Variants in DPP6 observed in about 807,000 individuals in gnomAD.
DPP6 encodes A-type potassium channel modulatory protein DPP6.
In DPP6, 69 loss-of-function variants were observed where a neutral mutation model predicts 122.6. The ratio of observed to expected loss-of-function variants is 0.56; its 90% CI spans 0.46 to 0.69. The LOEUF is 0.69. Among genes scored for constraint, DPP6 ranks in the 30% least tolerant of loss-of-function variants. The probability of loss-of-function intolerance (pLI) is 0.00; values close to 1 mark genes in which losing one functional copy is unlikely to be tolerated. For missense variants in DPP6, 928 were observed against 1,116.9 expected (o/e 0.83, Z 2.41); for synonymous variants, 418 against 433.1 (o/e 0.97, Z 0.43).
intron 1 of DPP6, among the ~76,000 whole-genome samples, chr7:154,154,276 C>T (rs574605191): frequency 6.6e-6 from 1 of 152,336 alleles, no homozygotes; most frequent in South Asian, 2.1e-4. Flanking sequence ...AGGGCCATTC[C>T]TCTGACTGTA....
rs978087142 is a variant in DPP6 at position 154,458,935 on chromosome 7, GGAAAT to G, written c.358+12613_358+12617del. Among the ~76,000 whole-genome samples the G allele has an allele frequency of 7.2e-4, 110 of 152,248 alleles. 2 individuals are homozygous for G. The highest frequency in any genetic ancestry group is 2.6e-3 in the African/African-American group (106 of 41,546). Reference sequence around the variant, plus strand: ...CTTTACCATCTTCACCACAAAGAAAGGAAATGAAATTCTTTCAAATTGAGATGTAT... The same window carrying G: ...CTTTACCATCTTCACCACAAAGAAAGGAAATTCTTTCAAATTGAGATGTAT... On this transcript the variant is annotated intron_variant, in intron 2 of 25. Coordinates refer to ENST00000377770, the MANE Select transcript of DPP6 (RefSeq NM_130797.4).
chr7:153,891,969 A>T (rs1204067924), intron 1 of DPP6, among the ~76,000 whole-genome samples: 1 of 152,146 alleles, frequency 6.6e-6, no homozygotes, highest in Admixed American at 6.5e-5. Flanking sequence ...TTTAAATGAA[A>T]GTGGCTGTCT....
chr7:154,485,846 G>A (rs1446548043), intron 3 of DPP6, among the ~76,000 whole-genome samples: 3 of 151,994 alleles, frequency 2.0e-5, no homozygotes, highest in African/African-American at 7.3e-5. Flanking sequence ...ACAACGTGCA[G>A]GTTTGTTACA....
chr7:154,119,315 T>C (rs1308450909), intron 1 of DPP6, among the ~76,000 whole-genome samples: 1 of 152,036 alleles, frequency 6.6e-6, no homozygotes, highest in African/African-American at 2.4e-5. Context: ...CAAGAATGAG[T>C]TCTGGTAGAA....
chr7:154,300,311 C>T (rs978159800), intron 1 of DPP6, among the ~76,000 whole-genome samples: 3 of 152,178 alleles, frequency 2.0e-5, no homozygotes, highest in Admixed American at 6.5e-5. Flanking sequence ...TCGGCCACCA[C>T]GAGAGTACTT....
At chr7:154,249,113 A>G (rs996099478) in intron 1 of DPP6, among the ~76,000 whole-genome samples, 1 of 152,234 alleles carries the variant, frequency 6.6e-6, no homozygotes, top group Non-Finnish European at 1.5e-5. Context: ...GGGGCTGACA[A>G]TGATTATAAT....
the DPP6 span, among the ~76,000 whole-genome samples, chr7:153,794,621 T>C: frequency 6.6e-6 from 1 of 152,228 alleles, no homozygotes; most frequent in Non-Finnish European, 1.5e-5. Context: ...TGGGGGACTG[T>C]TGGGAAGGCA....
At chr7:153,894,842 A>G (rs1174149897) in intron 1 of DPP6, among the ~76,000 whole-genome samples, 1 of 152,226 alleles carries the variant, frequency 6.6e-6, no homozygotes, top group Non-Finnish European at 1.5e-5. Context: ...AAATATTGCC[A>G]TCAAAGCCTA....
intron 6 of DPP6, among the ~76,000 whole-genome samples, chr7:154,664,881 A>G (rs2131076159): frequency 6.6e-6 from 1 of 152,354 alleles, no homozygotes. Flanking sequence ...TAGTGATAGC[A>G]TATTGTATAA....
At chr7:153,846,141 C>G in the DPP6 span, among the ~76,000 whole-genome samples, 1 of 152,182 alleles carries the variant, frequency 6.6e-6, no homozygotes, top group East Asian at 1.9e-4. Flanking sequence ...CCCACATCTT[C>G]GTCAACATTT....
intron 1 of DPP6, among the ~76,000 whole-genome samples, chr7:154,138,140 T>A (rs987090581): frequency 3.3e-5 from 5 of 152,204 alleles, no homozygotes; most frequent in African/African-American, 1.2e-4. Flanking sequence ...AGAAAATATG[T>A]GGACTTGACT....
At chr7:153,780,721 T>C in the DPP6 span, among the ~76,000 whole-genome samples, 1 of 152,104 alleles carries the variant, frequency 6.6e-6, no homozygotes, top group South Asian at 2.1e-4. Context: ...GGGCTGCTGG[T>C]AAGAAGAATG....
At chr7:154,462,183 T>A (rs1013631733) in intron 2 of DPP6, among the ~76,000 whole-genome samples, 2 of 152,202 alleles carry the variant, frequency 1.3e-5, no homozygotes, top group African/African-American at 4.8e-5. Flanking sequence ...GTATATGGAT[T>A]TGTTTCTAGG....
intron 16 of DPP6, among the ~76,000 whole-genome samples, chr7:154,807,949 C>A (rs1798803550): frequency 6.6e-6 from 1 of 152,204 alleles, no homozygotes; most frequent in Non-Finnish European, 1.5e-5. Context: ...AACCAGCATA[C>A]ACAAAAGAGT....
At chr7:153,812,954 T>C in the DPP6 span, among the ~76,000 whole-genome samples, 13 of 152,282 alleles carry the variant, frequency 8.5e-5, no homozygotes, top group Non-Finnish European at 5.9e-5. Context: ...TTAACGGTAA[T>C]GAAGATGGGT....
At chr7:154,709,047 C>CA (rs5888589) in intron 7 of DPP6, among the ~76,000 whole-genome samples, 111,561 of 149,538 alleles carry the variant, frequency 0.75, 43,539 homozygotes, top group Non-Finnish European at 0.87. Context: ...GACTCTGTCT[C>CA]AAAAAATAAA....
chr7:153,764,597 G>T, the DPP6 span, among the ~76,000 whole-genome samples: 295 of 151,976 alleles, frequency 1.9e-3, 1 homozygote, highest in African/African-American at 6.9e-3. Flanking sequence ...TTTCTCATGG[G>T]GAGCTTTTGG....
At chr7:154,574,515 GT>G (rs1831359237) in intron 5 of DPP6, among the ~76,000 whole-genome samples, 1 of 138,270 alleles carries the variant, frequency 7.2e-6, no homozygotes, top group African/African-American at 2.6e-5. Flanking sequence ...TATGTGTGGT[GT>G]GGTGTATATG....
chr7:154,156,580 A>G (rs910629989), intron 1 of DPP6, among the ~76,000 whole-genome samples: 1 of 152,206 alleles, frequency 6.6e-6, no homozygotes, highest in Non-Finnish European at 1.5e-5. Flanking sequence ...AGGCTACATA[A>G]TCTTCATAGA....
Sources: gnomAD v4.1 joint callset for allele counts (sites outside exome capture counted in the v4.1 genomes callset) on GRCh38, gnomAD v4.1.1 for gene constraint, MANE v1.5 for transcripts, NCBI Gene and HGNC (gene_info 2026-07-23, HGNC 2026-07-21) for gene names.